Variants in ALMS1 observed in about 807,000 individuals in gnomAD.
ALMS1 encodes centrosome-associated protein ALMS1.
In ALMS1, 271 loss-of-function variants were observed where a neutral mutation model predicts 352.2. The observed-to-expected ratio is 0.77, with a 90% CI of 0.70 to 0.85. The LOEUF is 0.85. Among genes scored for constraint, ALMS1 ranks in the 40% least tolerant of loss-of-function variants. ALMS1 has a pLI of 0.00. For missense variants in ALMS1, 5,445 were observed against 4,870.7 expected, an observed-to-expected ratio of 1.12 and a Z score of -3.51; for synonymous variants, 1,865 against 1,761.2, an observed-to-expected ratio of 1.06 and a Z score of -1.48.
At chr2:73,553,641 A>G (rs1241048343) in intron 13 of ALMS1, among the ~76,000 whole-genome samples, 1 of 152,242 alleles carries the variant, frequency 6.6e-6, no homozygotes, top group Non-Finnish European at 1.5e-5. Flanking sequence ...GCTGTGAATA[A>G]TAATTATATA....
intron 12 of ALMS1, among the ~76,000 whole-genome samples, chr2:73,540,606 C>A (rs537111297): frequency 1.1e-3 from 166 of 152,198 alleles, no homozygotes; most frequent in African/African-American, 3.3e-3. Context: ...AAGACCCATC[C>A]GTGTGCTGTA....
At chr2:73,487,206 T>C (rs985389082) in intron 9 of ALMS1, among the ~76,000 whole-genome samples, 1 of 152,186 alleles carries the variant, frequency 6.6e-6, no homozygotes, top group Non-Finnish European at 1.5e-5. Flanking sequence ...TGTGCTTGGC[T>C]CGCACTACTA....
intron 22 of ALMS1, among the ~76,000 whole-genome samples, chr2:73,609,367 T>C (rs551026693): frequency 2.0e-5 from 3 of 152,380 alleles, no homozygotes; most frequent in South Asian, 4.1e-4. Context: ...ATAATAGATA[T>C]TGATTACAGA....
chr2:73,540,547 C>T (rs1317113220), intron 12 of ALMS1, among the ~76,000 whole-genome samples: 1 of 152,152 alleles, frequency 6.6e-6, no homozygotes, highest in Non-Finnish European at 1.5e-5. Context: ...TGTAAATGGA[C>T]TAAATGCCCC....
rs531782624 is a variant in ALMS1 at position 73,408,651 on chromosome 2, A to G, written c.354A>G (p.Gln118=). 6.2e-7 allele frequency: 1 copy of G among 1,613,566 alleles called. No individual in the cohort carries two copies. The highest frequency in any genetic ancestry group is 1.7e-5 in the Admixed American group (1 of 59,968). Residue 118 remains glutamine (Q), a synonymous_variant, in exon 2 of 23, where the codon CAA becomes CAG. Coordinates refer to ENST00000613296, the MANE Select transcript of ALMS1 (RefSeq NM_001378454.1). ...KIVPLTCHVW[Q]QIVYQGNSRT... is the part of the protein sequence containing the mutation. ...TTCCATTGACCTGTCATGTATGGCA[A>G]CAGATAGTATATCAAGGCAATAGTA...
At chr2:73,407,245 A>G (rs1395327621) in intron 1 of ALMS1, among the ~76,000 whole-genome samples, 3 of 152,122 alleles carry the variant, frequency 2.0e-5, no homozygotes, top group African/African-American at 7.2e-5. Context: ...ATGATAAGCC[A>G]TTAATCCATT....
intron 13 of ALMS1, among the ~76,000 whole-genome samples, chr2:73,552,107 G>C (rs1674449985): frequency 6.6e-6 from 1 of 152,084 alleles, no homozygotes; most frequent in Non-Finnish European, 1.5e-5. Context: ...ACAATGTGCA[G>C]GTTAGTTACA....
intron 11 of ALMS1, among the ~76,000 whole-genome samples, chr2:73,522,765 C>T (rs1673712184): frequency 6.6e-6 from 1 of 152,162 alleles, no homozygotes; most frequent in Non-Finnish European, 1.5e-5. Context: ...CTGCGCCTGG[C>T]CAAGGTCATT....
intron 21 of ALMS1, among the ~76,000 whole-genome samples, chr2:73,607,649 T>C (rs1375713766): frequency 2.0e-5 from 3 of 151,950 alleles, no homozygotes; most frequent in African/African-American, 4.8e-5. Context: ...TTTATTATTA[T>C]TATTATTTTT....
chr2:73,439,542 T>C (rs1034806484), intron 7 of ALMS1, among the ~76,000 whole-genome samples: 1 of 152,184 alleles, frequency 6.6e-6, no homozygotes, highest in Non-Finnish European at 1.5e-5. Context: ...TATTTTAGTT[T>C]GTTTGTTTAT....
At chr2:73,401,329 A>T (rs765152759) in intron 1 of ALMS1, among the ~76,000 whole-genome samples, 2 of 151,832 alleles carry the variant, frequency 1.3e-5, no homozygotes, top group Non-Finnish European at 2.9e-5. Flanking sequence ...TTGATAATTG[A>T]TTTCAGATTT....
chr2:73,602,243 G>A lies in ALMS1; in HGVS notation c.12173G>A (p.Arg4058His), dbSNP rs61743400. 1.7e-5 allele frequency: 27 copies of A among 1,614,128 alleles called. No individual in the cohort carries two copies. In the East Asian group the frequency reaches 2.9e-4, roughly 17 times the overall value. The change falls in exon 20 of 23, where the codon CGC becomes CAC. Residue 4058 changes from arginine (R) to histidine (H), a missense_variant. Coordinates refer to ENST00000613296, the MANE Select transcript of ALMS1 (RefSeq NM_001378454.1). ...FISRSGERIK[R>H]LKLIVQERKL... Reference sequence around the variant, plus strand: ...TCCCGCTCTGGGGAGCGGATAAAGCGCCTGAAGTTAATAGTCCAGGAGAGG... The same window carrying A: ...TCCCGCTCTGGGGAGCGGATAAAGCACCTGAAGTTAATAGTCCAGGAGAGG...
chr2:73,492,183 TTATGA>T (rs747341754), intron 10 of ALMS1, among the ~76,000 whole-genome samples: 34 of 152,338 alleles, frequency 2.2e-4, no homozygotes, highest in Non-Finnish European at 3.7e-4. Flanking sequence ...AATGAGCCTC[TTATGA>T]TATGGTGAAG....
chr2:73,582,007 G>A (rs1675193419), intron 16 of ALMS1, among the ~76,000 whole-genome samples: 1 of 152,108 alleles, frequency 6.6e-6, no homozygotes, highest in Admixed American at 6.5e-5. Context: ...CTCCCAAAAT[G>A]CTGGGATTAC....
rs769440001 is a variant in ALMS1, at chr2:73,452,114, C to T, written c.5587C>T (p.Gln1863Ter). Residue 1863 changes from glutamine (Q) to a stop codon, truncating the protein, a stop_gained, in exon 8 of 23, where the codon CAG (glutamine) becomes TAG (stop). Transcript: ENST00000613296. LOFTEE classifies it high-confidence loss of function. ...AGAGCACTCTGTCATTTCTTATGAG[C>T]AGGAGTTGCCAGATCTTACTGAAGT... is the stretch of plus-strand genomic sequence containing the variant. ...QREHSVISYEQELPDLTEVTL... is the reference protein window; with the variant it reads ...QREHSVISYE The T allele has an allele frequency of 1.9e-6, 3 of 1,613,936 alleles. No homozygotes were observed. The highest frequency in any genetic ancestry group is 2.5e-6 in the Non-Finnish European group (3 of 1,179,958).
intron 9 of ALMS1, among the ~76,000 whole-genome samples, chr2:73,485,979 T>C (rs1305957662): frequency 1.3e-5 from 2 of 151,880 alleles, no homozygotes; most frequent in Non-Finnish European, 2.9e-5. Context: ...TGTCTGGCAC[T>C]CCCTAGTTAG....
intron 16 of ALMS1, among the ~76,000 whole-genome samples, chr2:73,588,296 C>T (rs996546552): frequency 6.6e-6 from 1 of 152,174 alleles, no homozygotes; most frequent in Non-Finnish European, 1.5e-5. Flanking sequence ...GCCCTCTTCT[C>T]TCTCTATGAT....
At position 73,579,377 on chromosome 2, in the gene ALMS1, T is replaced by C. The variant is rs1675124007; in HGVS notation, c.11547+5953T>C. Among the ~76,000 whole-genome samples the C allele has an allele frequency of 2.0e-5, 3 of 151,104 alleles. No individual in the cohort carries two copies. In the South Asian group the frequency reaches 6.3e-4, roughly 32 times the overall value. On this transcript the variant is annotated intron_variant, in intron 16 of 22. Coordinates refer to ENST00000613296, the MANE Select transcript of ALMS1 (RefSeq NM_001378454.1). ...ACCTGGCCTTCTTTTTTTTTTCTTT[T>C]TAAGATGGAGTCTCACTCTGTCGCC... is the stretch of plus-strand genomic sequence containing the variant.
In ALMS1 at chr2:73,490,289, A is replaced by C. The variant is rs763130563; in HGVS notation, c.8330A>C (p.His2777Pro). The change falls in exon 10 of 23, where the codon CAT becomes CCT. Residue 2777 changes from histidine (H) to proline (P), a missense_variant. By Grantham distance (77) the His-to-Pro change is moderately conservative. Coordinates refer to ENST00000613296, the MANE Select transcript of ALMS1 (RefSeq NM_001378454.1). ...TCTTCCCCTTCATCATTTAAAATGCATAGTAATTCACAAGATAAAGAAGTG... is the reference window on the plus strand; with the variant it reads ...TCTTCCCCTTCATCATTTAAAATGCCTAGTAATTCACAAGATAAAGAAGTG... Reference protein sequence around the residue: ...KTSSPSSFKMHSNSQDKEVTI... With the variant: ...KTSSPSSFKMPSNSQDKEVTI... 1 of 1,613,352 alleles carries C rather than the reference A, an allele frequency of 6.2e-7. No individual in the cohort carries two copies. The highest frequency in any genetic ancestry group is 2.2e-5 in the East Asian group (1 of 44,878).
Sources: allele counts gnomAD v4.1 joint callset (sites outside exome capture counted in the v4.1 genomes callset), GRCh38; gene constraint gnomAD v4.1.1; transcripts MANE v1.5; gene names NCBI Gene and HGNC (gene_info 2026-07-23, HGNC 2026-07-21).